Variants in RAB3IP observed in about 807,000 individuals in gnomAD.
The protein encoded by RAB3IP is rab-3A-interacting protein.
Under a neutral mutation model 59.1 loss-of-function variants are expected in RAB3IP, and 36 were observed. The observed-to-expected ratio is 0.61, with a 90% CI of 0.47 to 0.80. The LOEUF is 0.80. RAB3IP is among the 30% of genes least tolerant of loss of function. RAB3IP has a pLI of 0.00. For synonymous variants in RAB3IP, 207 were observed against 191.2 expected, an observed-to-expected ratio of 1.08 and a Z score of -0.68; for missense variants, 511 against 536.0, an observed-to-expected ratio of 0.95 and a Z score of 0.46.
rs1293099221 is a variant in RAB3IP, at chr12:69,821,028, CCCTT to C, written c.*5586_*5589del. The C allele has an allele frequency of 2.0e-5, 3 of 151,840 alleles. No individual in the cohort carries two copies. The highest frequency in any genetic ancestry group is 4.8e-5 in the African/African-American group (2 of 41,316). The allele number at this position is 151,840 out of a possible 1,614,324, so 9.4% of individuals were successfully genotyped here. On this transcript the variant is annotated 3_prime_UTR_variant, in exon 11 of 11. Transcript: ENST00000247833. ...TGATAAAATATTAAAAGAATTGAAA[CCCTT>C]CCTAAAGGCAGCTTCTCAAGGGAGC... is the stretch of plus-strand genomic sequence containing the variant.
intron 4 of RAB3IP, among the ~76,000 whole-genome samples, chr12:69,793,426 C>T (rs550983951): frequency 6.6e-6 from 1 of 152,242 alleles, no homozygotes; most frequent in South Asian, 2.1e-4. Flanking sequence ...AGTGAGGGTG[C>T]CATTGTCAAA....
intron 1 of RAB3IP, among the ~76,000 whole-genome samples, chr12:69,743,333 G>A (rs1357758968): frequency 6.6e-6 from 1 of 152,082 alleles, no homozygotes; most frequent in East Asian, 1.9e-4. Flanking sequence ...AATTCCCTGT[G>A]GGGAAAAGAA....
rs780949326 is a variant in RAB3IP at position 69,784,694 on chromosome 12, A to C, written c.511-26A>C. ...ATCTAACTTCAAACTATGGAGATCCAAAATAAAATTATCAATTTCTCTTAG... is the reference window on the plus strand; with the variant it reads ...ATCTAACTTCAAACTATGGAGATCCCAAATAAAATTATCAATTTCTCTTAG... On this transcript the variant is annotated intron_variant, in intron 3 of 10. Coordinates refer to ENST00000247833, the MANE Select transcript of RAB3IP (RefSeq NM_022456.5). 3 of 1,438,156 alleles carry C rather than the reference A, an allele frequency of 2.1e-6. No individual in the cohort carries two copies. In the South Asian group the frequency reaches 3.6e-5, roughly 17 times the overall value. The allele number at this position is 1,438,156 out of a possible 1,614,324, so 89.1% of individuals were successfully genotyped here. A position where few individuals can be genotyped will look rare whatever the true frequency, so the allele number is the denominator to read the frequency against.
chr12:69,804,548 T>G lies in RAB3IP; in HGVS notation c.1130+2827T>G, dbSNP rs1592605430. Among the ~76,000 whole-genome samples, 3 of 152,358 alleles carry G rather than the reference T, an allele frequency of 2.0e-5. 1 individual carries two copies. In the Middle Eastern group the frequency reaches 0.01, roughly 518 times the overall value. On this transcript the variant is annotated intron_variant, in intron 8 of 10. Coordinates refer to ENST00000247833, the MANE Select transcript of RAB3IP (RefSeq NM_022456.5). Reference sequence around the variant, plus strand: ...GCTTTTGTTGCCATTGCTTTTGGTGTTTTAGACATGAAGTCCTTGTCCATG... The same window carrying G: ...GCTTTTGTTGCCATTGCTTTTGGTGGTTTAGACATGAAGTCCTTGTCCATG...
chr12:69,770,788 TAC>T (rs555619794), intron 3 of RAB3IP, among the ~76,000 whole-genome samples: 1,635 of 152,276 alleles, frequency 0.011, 27 homozygotes, highest in African/African-American at 0.037. Context: ...TATACATATA[TAC>T]ACACACACAT....
chr12:69,755,920 C>T (rs965383692), intron 2 of RAB3IP, among the ~76,000 whole-genome samples: 1 of 152,122 alleles, frequency 6.6e-6, no homozygotes, highest in Non-Finnish European at 1.5e-5. Flanking sequence ...TTGAAAGCAG[C>T]CATAGACAGT....
At chr12:69,767,424 G>T (rs1180264352) in intron 3 of RAB3IP, among the ~76,000 whole-genome samples, 1 of 152,212 alleles carries the variant, frequency 6.6e-6, no homozygotes. Context: ...CAGCTCCAGG[G>T]GGATGGGGCC....
At chr12:69,766,322 A>G (rs1430588489) in intron 3 of RAB3IP, among the ~76,000 whole-genome samples, 2 of 152,088 alleles carry the variant, frequency 1.3e-5, no homozygotes, top group Non-Finnish European at 2.9e-5. Context: ...ATGTAATCCC[A>G]TATTTCTCAA....
In RAB3IP at chr12:69,812,859, T is replaced by C. The variant is rs1880644473; in HGVS notation, c.1212T>C (p.Ser404=). 8 of 1,612,538 alleles carry C rather than the reference T, an allele frequency of 5.0e-6. No homozygotes were observed. The highest frequency in any genetic ancestry group is 5.9e-6 in the Non-Finnish European group (7 of 1,178,644). The stretch of plus-strand genomic sequence containing the variant: ...ACTCAAGCAACTATTATTATATTTC[T>C]CCTTTTTGCAGATACAGGGTAAGTG... ...LGDSSNYYYI[S]PFCRYRITSV... is the part of the protein sequence containing the mutation. The change falls in exon 9 of 11, where the codon TCT becomes TCC. Residue 404 remains serine, a synonymous_variant. Transcript: ENST00000247833.
intron 10 of RAB3IP, among the ~76,000 whole-genome samples, chr12:69,815,110 C>T (rs534539255): frequency 2.4e-4 from 36 of 152,096 alleles, no homozygotes; most frequent in Non-Finnish European, 4.0e-4. Context: ...TGAATGTCTA[C>T]CTTTTCTTGG....
chr12:69,752,872 A>G (rs1166386739), intron 1 of RAB3IP, among the ~76,000 whole-genome samples: 2 of 152,240 alleles, frequency 1.3e-5, no homozygotes, highest in Non-Finnish European at 2.9e-5. Flanking sequence ...TGTACTTTGA[A>G]TATAGCAGTT....
intron 1 of RAB3IP, among the ~76,000 whole-genome samples, chr12:69,741,243 A>G (rs949751813): frequency 6.6e-6 from 1 of 152,162 alleles, no homozygotes; most frequent in Non-Finnish European, 1.5e-5. Context: ...TTCCCGGGAT[A>G]TAGGTGGTTT....
Position 69,819,673 on chromosome 12 carries a change from C to T in RAB3IP, c.*4227C>T, listed in dbSNP as rs931239776. Reference sequence around the variant, plus strand: ...GATTATGTTCAGGAGAGTGTTTCTACGCTGAATTTAATTGCCAAGATTACC... The same window carrying T: ...GATTATGTTCAGGAGAGTGTTTCTATGCTGAATTTAATTGCCAAGATTACC... On this transcript the variant is annotated 3_prime_UTR_variant, in exon 11 of 11. Coordinates refer to ENST00000247833, the MANE Select transcript of RAB3IP (RefSeq NM_022456.5). 3.3e-5 allele frequency: 5 copies of T among 152,168 alleles called. No individual in the cohort carries two copies. Among genetic ancestry groups the T allele is most frequent in the Admixed American group, 3.3e-4 (5 of 15,272 alleles). The allele number at this position is 152,168 out of a possible 1,614,324, so 9.4% of individuals were successfully genotyped here.
chr12:69,789,411 C>G (rs1322720644), intron 4 of RAB3IP, among the ~76,000 whole-genome samples: 1 of 152,012 alleles, frequency 6.6e-6, no homozygotes, highest in African/African-American at 2.4e-5. Flanking sequence ...TTCCTAGAAA[C>G]TGACTCAGTT....
chr12:69,772,183 A>T (rs1217734841), intron 3 of RAB3IP, among the ~76,000 whole-genome samples: 38 of 151,942 alleles, frequency 2.5e-4, no homozygotes, highest in Admixed American at 2.4e-3. Flanking sequence ...GTTTCTTCTT[A>T]CAATTTTTGG....
chr12:69,754,686 CTAGT>C (rs1869903820), intron 1 of RAB3IP, among the ~76,000 whole-genome samples: 1 of 152,104 alleles, frequency 6.6e-6, no homozygotes, highest in South Asian at 2.1e-4. Context: ...CGTTAATTAG[CTAGT>C]TAGCTATTTC....
chr12:69,766,127 A>G (rs79561871), intron 3 of RAB3IP, among the ~76,000 whole-genome samples: 67 of 152,310 alleles, frequency 4.4e-4, no homozygotes, highest in African/African-American at 1.5e-3. Context: ...TCTGGTGACT[A>G]TGTCCTGTGA....
chr12:69,756,276 G>T, intron 2 of RAB3IP, 129 bp from the exon 3 acceptor site: 1 of 885,272 alleles, frequency 1.1e-6, no homozygotes, highest in Middle Eastern at 2.4e-4. Context: ...TGATATGACT[G>T]AGGACATACT....
intron 6 of RAB3IP, among the ~76,000 whole-genome samples, chr12:69,799,239 A>G (rs577948120): frequency 1.3e-5 from 2 of 152,286 alleles, no homozygotes; most frequent in Admixed American, 6.5e-5. Context: ...TGATTGAGCT[A>G]TCCTAGAGGC....
Sources: allele counts gnomAD v4.1 joint callset (sites outside exome capture counted in the v4.1 genomes callset), GRCh38; gene constraint gnomAD v4.1.1; transcripts MANE v1.5; gene names NCBI Gene and HGNC (gene_info 2026-07-23, HGNC 2026-07-21).